HS6ST3: variants seen among roughly 807,000 people sequenced by gnomAD.
HS6ST3 encodes the protein heparan-sulfate 6-O-sulfotransferase 3.
Under a neutral mutation model 36.7 loss-of-function variants are expected in HS6ST3, and 12 were observed. That is an observed-to-expected ratio of 0.33 (90% CI 0.21 to 0.53). HS6ST3 has a LOEUF of 0.53. Among genes scored for constraint, HS6ST3 ranks in the 20% least tolerant of loss-of-function variants. HS6ST3 has a pLI of 0.95. For missense variants in HS6ST3, 584 were observed against 640.9 expected (o/e 0.91, Z 0.96); for synonymous variants, 240 against 257.5 (o/e 0.93, Z 0.65).
chr13:96,435,788 C>G (rs2139477329), intron 1 of HS6ST3, among the ~76,000 whole-genome samples: 1 of 134,450 alleles, frequency 7.4e-6, no homozygotes, highest in African/African-American at 3.1e-5. Flanking sequence ...ATAGTTTTTC[C>G]CTAAGTTATC....
chr13:96,449,538 G>A (rs578140578), intron 1 of HS6ST3, among the ~76,000 whole-genome samples: 2 of 152,116 alleles, frequency 1.3e-5, no homozygotes, highest in African/African-American at 4.8e-5. Context: ...AAGCTACCAA[G>A]CAGATCTCTT....
chr13:96,425,946 C>T (rs549365964), intron 1 of HS6ST3, among the ~76,000 whole-genome samples: 2 of 151,590 alleles, frequency 1.3e-5, no homozygotes, highest in Non-Finnish European at 2.9e-5. Flanking sequence ...TATTCACACA[C>T]GTCTGCTTGG....
At chr13:96,121,791 T>G (rs1357411531) in intron 1 of HS6ST3, among the ~76,000 whole-genome samples, 1 of 152,198 alleles carries the variant, frequency 6.6e-6, no homozygotes, top group Admixed American at 6.5e-5. Flanking sequence ...ACCCAATGAC[T>G]CCATGAAATT....
chr13:96,214,557 A>G (rs1353720300), intron 1 of HS6ST3, among the ~76,000 whole-genome samples: 3 of 152,250 alleles, frequency 2.0e-5, no homozygotes, highest in Non-Finnish European at 4.4e-5. Flanking sequence ...TTGAAAGTTT[A>G]CTAAATACCG....
At chr13:96,269,591 A>G (rs1345922201) in intron 1 of HS6ST3, among the ~76,000 whole-genome samples, 2 of 152,082 alleles carry the variant, frequency 1.3e-5, no homozygotes, top group South Asian at 2.1e-4. Context: ...AATTGTGTCC[A>G]TTTCCTTGAA....
At chr13:96,636,022 A>G (rs557692777) in intron 1 of HS6ST3, among the ~76,000 whole-genome samples, 158 of 152,264 alleles carry the variant, frequency 1.0e-3, no homozygotes, top group African/African-American at 3.4e-3. Flanking sequence ...GACTTCATCA[A>G]TTAAAGAAAC....
At chr13:96,671,883 T>C (rs1419858058) in intron 1 of HS6ST3, among the ~76,000 whole-genome samples, 1 of 152,168 alleles carries the variant, frequency 6.6e-6, no homozygotes, top group African/African-American at 2.4e-5. Context: ...CACCGAGTTA[T>C]GATTTATTCA....
chr13:96,362,074 C>T (rs1233829987), intron 1 of HS6ST3, among the ~76,000 whole-genome samples: 2 of 151,938 alleles, frequency 1.3e-5, no homozygotes, highest in East Asian at 1.9e-4. Context: ...AATAGGTGAG[C>T]GGAAGTTGCA....
chr13:96,120,568 G>A (rs1011417341), intron 1 of HS6ST3, among the ~76,000 whole-genome samples: 2 of 151,810 alleles, frequency 1.3e-5, no homozygotes, highest in African/African-American at 4.8e-5. Context: ...TTTCTAATTA[G>A]TAGCATATTG....
At chr13:96,437,523 A>C (rs1382222201) in intron 1 of HS6ST3, among the ~76,000 whole-genome samples, 1 of 152,206 alleles carries the variant, frequency 6.6e-6, no homozygotes, top group Non-Finnish European at 1.5e-5. Context: ...CTAGTGTACC[A>C]CTGAACACAT....
chr13:96,561,822 A>G (rs1024552902), intron 1 of HS6ST3, among the ~76,000 whole-genome samples: 3 of 152,194 alleles, frequency 2.0e-5, no homozygotes, highest in Admixed American at 6.5e-5. Flanking sequence ...CAAAACCACA[A>G]TGAGATACCA....
At chr13:96,613,047 CT>C (rs1418685641) in intron 1 of HS6ST3, among the ~76,000 whole-genome samples, 1 of 152,158 alleles carries the variant, frequency 6.6e-6, no homozygotes, top group African/African-American at 2.4e-5. Context: ...TCAAAAGTCC[CT>C]TTATCAGAGA....
Position 96,480,466 on chromosome 13 carries a change from G to A in HS6ST3, c.708-352024G>A, listed in dbSNP as rs76366844. Among the ~76,000 whole-genome samples the A allele has an allele frequency of 2.1e-3, 313 of 152,224 alleles. 2 individuals carry two copies. In the East Asian group the frequency reaches 0.038, roughly 19 times the overall value. ...CATGTGTTTAAGTGTGACTGTGTGC[G>A]TGTGTGCATGTGTGTGTGTGTAGAG... On this transcript the variant is annotated intron_variant, in intron 1 of 1. Coordinates refer to ENST00000376705, the MANE Select transcript of HS6ST3 (RefSeq NM_153456.4).
chr13:96,755,980 C>T (rs1876819732), intron 1 of HS6ST3, among the ~76,000 whole-genome samples: 1 of 152,146 alleles, frequency 6.6e-6, no homozygotes, highest in Non-Finnish European at 1.5e-5. Context: ...ACATTCTTGC[C>T]ACCCTGGGGG....
intron 1 of HS6ST3, among the ~76,000 whole-genome samples, chr13:96,327,499 G>A (rs1318863646): frequency 1.3e-5 from 2 of 151,884 alleles, no homozygotes; most frequent in African/African-American, 2.4e-5. Context: ...TAGATATGTG[G>A]CGTTATTTCT....
chr13:96,497,049 C>T (rs1173906847), intron 1 of HS6ST3, among the ~76,000 whole-genome samples: 3 of 152,114 alleles, frequency 2.0e-5, no homozygotes, highest in African/African-American at 7.2e-5. Context: ...GACAAGACAG[C>T]AAGGAGTAGC....
intron 1 of HS6ST3, among the ~76,000 whole-genome samples, chr13:96,257,737 A>G (rs2054644058): frequency 6.6e-6 from 1 of 152,222 alleles, no homozygotes; most frequent in Non-Finnish European, 1.5e-5. Context: ...TAGGTTTGAA[A>G]TGCTTGCAGA....
At chr13:96,747,522 G>T (rs916554988) in intron 1 of HS6ST3, among the ~76,000 whole-genome samples, 6 of 152,006 alleles carry the variant, frequency 3.9e-5, no homozygotes, top group East Asian at 3.9e-4. Context: ...TCCCAAATAA[G>T]AATCTTTTAA....
At chr13:96,394,020 G>A (rs2209411) in intron 1 of HS6ST3, among the ~76,000 whole-genome samples, 125,715 of 152,224 alleles carry the variant, frequency 0.83, 52,280 homozygotes, top group Non-Finnish European at 0.87. Flanking sequence ...GTCTTATGAA[G>A]TTTTTGATAG....
Sources: allele counts gnomAD v4.1 joint callset (sites outside exome capture counted in the v4.1 genomes callset), GRCh38; gene constraint gnomAD v4.1.1; transcripts MANE v1.5; gene names NCBI Gene and HGNC (gene_info 2026-07-23, HGNC 2026-07-21).